The following PTPRQ variants were observed in gnomAD, a reference collection of about 807,000 sequenced individuals.
PTPRQ encodes the protein protein tyrosine phosphatase receptor type Q.
In PTPRQ, 199 loss-of-function variants were observed where a neutral mutation model predicts 246.0. The observed-to-expected ratio is 0.81, with a 90% CI of 0.72 to 0.91. The LOEUF (loss-of-function observed/expected upper bound fraction) is 0.91, where lower values mean the gene tolerates loss of function less well. Among genes scored for constraint, PTPRQ ranks in the 40% least tolerant of loss-of-function variants. PTPRQ has a pLI of 0.00. For missense variants in PTPRQ, 2,624 were observed against 2,528.4 expected (o/e 1.04, Z -0.81); for synonymous variants, 869 against 853.2 (o/e 1.02, Z -0.32).
At chr12:80,642,919 TAAAA>T (rs902888826) in intron 35 of PTPRQ, among the ~76,000 whole-genome samples, 2 of 77,198 alleles carry the variant, frequency 2.6e-5, no homozygotes, top group Non-Finnish European at 5.9e-5. Flanking sequence ...GACTCCGTCT[TAAAA>T]AAAAAAAAAA....
intron 26 of PTPRQ, among the ~76,000 whole-genome samples, chr12:80,597,244 G>T (rs1256468936): frequency 1.3e-5 from 2 of 151,872 alleles, no homozygotes; most frequent in African/African-American, 4.8e-5. Context: ...GCATACAAAT[G>T]AACAGGAGAA....
chr12:80,465,233 G>A (rs1773108866), intron 6 of PTPRQ: 1 of 152,058 alleles, frequency 6.6e-6, no homozygotes, highest in South Asian at 2.1e-4. Flanking sequence ...ACACCTCTAT[G>A]CAAATAAACT....
At chr12:80,476,627 G>T (rs1052581692) in intron 8 of PTPRQ, among the ~76,000 whole-genome samples, 1 of 152,098 alleles carries the variant, frequency 6.6e-6, no homozygotes, top group Non-Finnish European at 1.5e-5. Context: ...ACATATATGG[G>T]AGTTATAAAA....
intron 35 of PTPRQ, among the ~76,000 whole-genome samples, chr12:80,638,213 G>C (rs1174949835): frequency 6.6e-6 from 1 of 150,524 alleles, no homozygotes; most frequent in African/African-American, 2.5e-5. Context: ...AAGTGGCAGT[G>C]AGCCAAGATC....
chr12:80,672,207 T>G (rs1264394512), intron 42 of PTPRQ, among the ~76,000 whole-genome samples: 3 of 151,892 alleles, frequency 2.0e-5, no homozygotes, highest in Non-Finnish European at 4.4e-5. Context: ...GACTATAAAC[T>G]CTGTAAGTGC....
At chr12:80,506,773 A>C (rs1313783318) in intron 16 of PTPRQ, 103 bp downstream of exon 16, 9 of 980,328 alleles carry the variant, frequency 9.2e-6, no homozygotes, top group Non-Finnish European at 1.3e-5. Flanking sequence ...CATGGGTATC[A>C]GTTGTGTACC....
At chr12:80,657,327 G>A (rs1900476039) in intron 38 of PTPRQ, among the ~76,000 whole-genome samples, 1 of 151,764 alleles carries the variant, frequency 6.6e-6, no homozygotes, top group South Asian at 2.1e-4. Context: ...AGAACATAAA[G>A]TGTTTAATAA....
Position 80,524,076 on chromosome 12 carries a change from C to A in PTPRQ, c.2679-9939C>A, listed in dbSNP as rs1012407862. Among the ~76,000 whole-genome samples the A allele has an allele frequency of 3.0e-4, 45 of 152,144 alleles. No individual in the cohort carries two copies. The South Asian group carries it at 8.9e-3, about 30-fold the overall frequency. ...TATTGAGTGCGTATATATTTAGGAT[C>A]GATAGCTCTTCTTGTTGAATTGATT... On this transcript the variant is annotated intron_variant, in intron 17 of 44. Coordinates refer to ENST00000644991, the MANE Select transcript of PTPRQ (RefSeq NM_001145026.2).
chr12:80,501,636 C>A (rs555105796), intron 14 of PTPRQ, among the ~76,000 whole-genome samples: 57 of 151,996 alleles, frequency 3.8e-4, no homozygotes, highest in Non-Finnish European at 6.5e-4. Context: ...AAGCTTACAG[C>A]TATGTCGTGG....
At chr12:80,587,998 T>C in intron 25 of PTPRQ, 131 bp from the exon 26 acceptor site, 1 of 928,084 alleles carries the variant, frequency 1.1e-6, no homozygotes. Flanking sequence ...AGTGTGGGGA[T>C]AATTAATCTA....
At chr12:80,678,299 TAAAC>T (rs1901210501) in intron 43 of PTPRQ, among the ~76,000 whole-genome samples, 1 of 152,154 alleles carries the variant, frequency 6.6e-6, no homozygotes, top group Non-Finnish European at 1.5e-5. Flanking sequence ...AAAAAACTCA[TAAAC>T]AAATTTATGT....
intron 43 of PTPRQ, 97 bp downstream of exon 43, chr12:80,673,401 G>C: frequency 6.8e-7 from 1 of 1,461,900 alleles, no homozygotes; most frequent in Non-Finnish European, 9.0e-7. Flanking sequence ...GCTTGAAGCT[G>C]TGGACACCTT....
intron 9 of PTPRQ, among the ~76,000 whole-genome samples, chr12:80,488,045 C>A (rs550515904): frequency 6.6e-6 from 1 of 151,646 alleles, no homozygotes; most frequent in Admixed American, 6.6e-5. Flanking sequence ...AACTGAGGGC[C>A]CTGGATTCTT....
intron 26 of PTPRQ, among the ~76,000 whole-genome samples, chr12:80,593,038 G>T (rs1250465010): frequency 6.6e-6 from 1 of 151,896 alleles, no homozygotes; most frequent in Non-Finnish European, 1.5e-5. Flanking sequence ...GCAATATGTT[G>T]TTTCATGATA....
chr12:80,552,241 A>G (rs1896496592), intron 25 of PTPRQ, among the ~76,000 whole-genome samples: 1 of 152,128 alleles, frequency 6.6e-6, no homozygotes, highest in African/African-American at 2.4e-5. Context: ...GTGGGTGGCC[A>G]GCACATCATT....
intron 14 of PTPRQ, among the ~76,000 whole-genome samples, chr12:80,497,030 T>A (rs992318508): frequency 6.6e-6 from 1 of 151,808 alleles, no homozygotes; most frequent in African/African-American, 2.4e-5. Flanking sequence ...AGAGCAGGGG[T>A]CCCCAACCTT....
Position 80,481,442 on chromosome 12 carries a change from G to A in PTPRQ, c.1187-2991G>A, listed in dbSNP as rs575335972. Among the ~76,000 whole-genome samples the A allele has an allele frequency of 8.1e-3, 1,240 of 152,230 alleles. 15 individuals are homozygous for A. The highest frequency in any genetic ancestry group is 0.028 in the African/African-American group (1,181 of 41,498). On this transcript the variant is annotated intron_variant, in intron 8 of 44. Transcript: ENST00000644991. ...CATACTGAATGGGCAAAAACTGGAA[G>A]CATTCCCTTTGAAAACTGGCACAAG...
chr12:80,606,090 T>C (rs1244312015), intron 27 of PTPRQ, among the ~76,000 whole-genome samples: 1 of 151,024 alleles, frequency 6.6e-6, no homozygotes, highest in Admixed American at 6.6e-5. Context: ...GATTGTAAGT[T>C]ATATGACAGA....
intron 10 of PTPRQ, 135 bp from the exon 11 acceptor site, chr12:80,494,796 CTT>C: frequency 1.3e-6 from 1 of 768,106 alleles, no homozygotes; most frequent in Non-Finnish European, 1.9e-6. Context: ...ACACACCTAA[CTT>C]TAATAGAGGT....
Sources: allele counts gnomAD v4.1 joint callset (sites outside exome capture counted in the v4.1 genomes callset), GRCh38; gene constraint gnomAD v4.1.1; transcripts MANE v1.5; gene names NCBI Gene and HGNC (gene_info 2026-07-23, HGNC 2026-07-21).